The following TPX2 variants were observed in gnomAD, a reference collection of about 807,000 sequenced individuals.
The protein encoded by TPX2 is TPX2 microtubule nucleation factor, also known as targeting protein for Xklp2.
A neutral mutation model predicts 93.6 loss-of-function variants in TPX2; 21 were observed. The observed-to-expected ratio is 0.22, with a 90% CI of 0.16 to 0.32. The LOEUF is 0.32. Ranked by LOEUF, TPX2 falls within the 10% of genes least tolerant of loss-of-function variation. The pLI, the probability that TPX2 is intolerant of heterozygous loss-of-function variation, is 1.00. For missense variants in TPX2, 776 were observed against 871.1 expected (o/e 0.89, Z 1.37); for synonymous variants, 281 against 298.3 (o/e 0.94, Z 0.60).
chr20:31,765,142 C>G (rs1441868499), intron 4 of TPX2, among the ~76,000 whole-genome samples: 2 of 151,584 alleles, frequency 1.3e-5, no homozygotes, highest in African/African-American at 4.8e-5. Flanking sequence ...GTTCCCATAA[C>G]ACTTTTTTTC....
intron 12 of TPX2, among the ~76,000 whole-genome samples, chr20:31,787,653 A>T (rs1418651379): frequency 2.6e-5 from 4 of 152,154 alleles, no homozygotes; most frequent in East Asian, 1.9e-4. Flanking sequence ...TTGAAAAGGT[A>T]TGGGTAGGTA....
chr20:31,764,118 G>GTGTATATATGTACATATACATGTA (rs2061909156), intron 4 of TPX2, among the ~76,000 whole-genome samples: 1 of 59,170 alleles, frequency 1.7e-5, no homozygotes, highest in Admixed American at 1.3e-4. Context: ...ATACATGTAT[G>GTGTATATATGTACATATACATGTA]TGTGTATATA....
chr20:31,768,322 G>A (rs1032141579), intron 5 of TPX2, among the ~76,000 whole-genome samples: 1 of 150,324 alleles, frequency 6.7e-6, no homozygotes, highest in African/African-American at 2.5e-5. Flanking sequence ...TGCAACCTCC[G>A]CCTCCCGGGT....
intron 10 of TPX2, among the ~76,000 whole-genome samples, 194 bp downstream of exon 10, chr20:31,779,178 G>A (rs536161888): frequency 2.0e-5 from 3 of 152,212 alleles, no homozygotes; most frequent in Non-Finnish European, 4.4e-5. Context: ...CCCATCAACC[G>A]TCTTGATCCT....
rs1011164278 is a variant in TPX2 at position 31,784,881 on chromosome 20, C to A, written c.1413+960C>A. Among the ~76,000 whole-genome samples the A allele has an allele frequency of 3.3e-5, 5 of 152,186 alleles. No individual in the cohort carries two copies. The South Asian group carries it at 1.0e-3, about 32-fold the overall frequency. On this transcript the variant is annotated intron_variant, in intron 12 of 17. Coordinates refer to ENST00000300403, the MANE Select transcript of TPX2 (RefSeq NM_012112.5). ...CATTTCAGTGCAGATGAGGACCTCA[C>A]CCGCCGCCACTGGTTTGGATTGCCT... is the stretch of plus-strand genomic sequence containing the variant.
In TPX2 at chr20:31,757,527, C is replaced by G. The variant is rs375834277; in HGVS notation, c.51C>G (p.Ile17Met). The G allele has an allele frequency of 1.9e-6, 3 of 1,614,022 alleles. No homozygotes were observed. Among genetic ancestry groups the G allele is most frequent in the African/African-American group, 2.7e-5 (2 of 75,024 alleles). ...CCTATGATGCCCCCTCGGATTTCAT[C>G]AATTTTTCATCCTTGGATGATGAAG... Reference protein sequence around the residue: ...SYSYDAPSDFINFSSLDDEGD... With the variant: ...SYSYDAPSDFMNFSSLDDEGD... Residue 17 changes from isoleucine to methionine, a missense_variant, in exon 3 of 18, where the codon ATC becomes ATG. Ile to Met is a conservative substitution (Grantham distance 10). Around this residue, in one of 3 missense-constraint regions of TPX2, gnomAD observed 36 missense variants for 58.3 expected, o/e 0.62. Transcript: ENST00000300403.
At chr20:31,743,826 A>G (rs1399047742) in intron 2 of TPX2, among the ~76,000 whole-genome samples, 1 of 150,626 alleles carries the variant, frequency 6.6e-6, no homozygotes, top group Admixed American at 6.6e-5. Flanking sequence ...TCCCAGGTTC[A>G]GGCGATTCTC....
At chr20:31,769,505 T>G (rs2061951218) in intron 5 of TPX2, among the ~76,000 whole-genome samples, 1 of 152,034 alleles carries the variant, frequency 6.6e-6, no homozygotes, top group Admixed American at 6.6e-5. Flanking sequence ...TCTGTATTTT[T>G]AGTAGAGACG....
At position 31,801,071 on chromosome 20, in the gene TPX2, C is replaced by G. The variant is rs1169015396; in HGVS notation, c.2235C>G (p.Phe745Leu). ...TATCTCCCAAATTCTCCACTCGATT[C>G]CACTGCTAAACTCAGCTGTGAGCTG... ...VPVSPKFSTR[F>L]HC Residue 745 changes from phenylalanine (F) to leucine (L), a missense_variant, in exon 18 of 18, where the codon TTC becomes TTG. Physicochemically the swap from Phe to Leu is conservative, Grantham distance 22. Coordinates refer to ENST00000300403, the MANE Select transcript of TPX2 (RefSeq NM_012112.5). 6.2e-7 allele frequency: 1 copy of G among 1,614,064 alleles called. No homozygotes were observed. Among genetic ancestry groups the G allele is most frequent in the South Asian group, 1.1e-5 (1 of 91,084 alleles).
chr20:31,768,567 A>G (rs1174180679), intron 5 of TPX2, among the ~76,000 whole-genome samples: 1 of 152,144 alleles, frequency 6.6e-6, no homozygotes, highest in African/African-American at 2.4e-5. Flanking sequence ...TAAACAGGAC[A>G]CACACAGAAA....
chr20:31,778,633 A>C (rs1568595419), intron 9 of TPX2, among the ~76,000 whole-genome samples, 180 bp from the exon 10 acceptor site: 2 of 151,924 alleles, frequency 1.3e-5, no homozygotes, highest in African/African-American at 4.8e-5. Flanking sequence ...TCCATTTTTA[A>C]TTTTTTTTAA....
chr20:31,743,037 A>G (rs781715081), intron 2 of TPX2, among the ~76,000 whole-genome samples: 37 of 152,212 alleles, frequency 2.4e-4, no homozygotes, highest in Admixed American at 7.2e-4. Context: ...AACATGGCAA[A>G]ACCCCATCTC....
chr20:31,752,156 A>G (rs2061824267), intron 2 of TPX2, among the ~76,000 whole-genome samples: 1 of 152,174 alleles, frequency 6.6e-6, no homozygotes, highest in Non-Finnish European at 1.5e-5. Context: ...TCATTAGCTC[A>G]TTGATGTTAA....
chr20:31,747,456 G>GTCTATCTATCTATCTA (rs1275554299), intron 2 of TPX2, among the ~76,000 whole-genome samples: 11 of 151,918 alleles, frequency 7.2e-5, no homozygotes, highest in African/African-American at 2.7e-4. Context: ...CTGTCTGTCT[G>GTCTATCTATCTATCTA]TCTGTCTATC....
chr20:31,764,144 A>G (rs1040995944), intron 4 of TPX2, among the ~76,000 whole-genome samples: 2 of 149,504 alleles, frequency 1.3e-5, no homozygotes, highest in Admixed American at 6.7e-5. Flanking sequence ...ATATACATGT[A>G]TGTGTACATA....
At chr20:31,764,371 G>C (rs2061911277) in intron 4 of TPX2, among the ~76,000 whole-genome samples, 1 of 152,022 alleles carries the variant, frequency 6.6e-6, no homozygotes, top group Non-Finnish European at 1.5e-5. Context: ...ATTTTGCCAT[G>C]TTGCCTAGGC....
rs754557220 is a variant in TPX2, at chr20:31,771,566, C to T, written c.492C>T (p.Asn164=). Reference sequence around the variant, plus strand: ...TTGTCCTTTTGAACTCAAGTTCTAACAACAAAAAGAAGCCAGAGGAAGAAG... The same window carrying T: ...TTGTCCTTTTGAACTCAAGTTCTAATAACAAAAAGAAGCCAGAGGAAGAAG... ...ILPSKKMKVS[N]NKKKPEEEGS... is the part of the protein sequence containing the mutation. Residue 164 remains asparagine (N), a synonymous_variant, in exon 7 of 18, where the codon AAC becomes AAT. Coordinates refer to ENST00000300403, the MANE Select transcript of TPX2 (RefSeq NM_012112.5). 1 of 1,610,768 alleles carries T rather than the reference C, an allele frequency of 6.2e-7. No individual in the cohort carries two copies. Among genetic ancestry groups the T allele is most frequent in the South Asian group, 1.1e-5 (1 of 90,256 alleles).
chr20:31,795,757 TG>T (rs1299436663), intron 15 of TPX2, among the ~76,000 whole-genome samples: 1 of 152,266 alleles, frequency 6.6e-6, no homozygotes, highest in African/African-American at 2.4e-5. Context: ...ATGTGCTATT[TG>T]CTCTTTATAA....
In TPX2 at chr20:31,783,794, A is replaced by G. The variant is rs1475776747; in HGVS notation, c.1286A>G (p.Glu429Gly). The G allele has an allele frequency of 6.2e-7, 1 of 1,613,744 alleles. No individual in the cohort carries two copies. The highest frequency in any genetic ancestry group is 8.5e-7 in the Non-Finnish European group (1 of 1,179,924). The stretch of plus-strand genomic sequence containing the variant: ...AAACCACCTGTGAAACCACCCACCG[A>G]GCCTATTGGCTTTGATTTGGAAATT... The part of the protein sequence containing the change: ...PKKPPVKPPT[E>G]PIGFDLEIEK... The change falls in exon 12 of 18, where the codon GAG becomes GGG. Residue 429 changes from glutamate to glycine, a missense_variant. Glu to Gly is a moderately conservative substitution (Grantham distance 98). Around this residue, in one of 3 missense-constraint regions of TPX2, gnomAD observed 461 missense variants for 551.2 expected, o/e 0.84. Coordinates refer to ENST00000300403, the MANE Select transcript of TPX2 (RefSeq NM_012112.5).
Sources: allele counts gnomAD v4.1 joint callset (sites outside exome capture counted in the v4.1 genomes callset), GRCh38; gene constraint gnomAD v4.1.1; regional missense constraint gnomAD v4.1.1; transcripts MANE v1.5; gene names NCBI Gene and HGNC (gene_info 2026-07-23, HGNC 2026-07-21).